Variants in TXNDC11 observed in about 807,000 individuals in gnomAD.
The protein encoded by TXNDC11 is thioredoxin domain containing 11.
Under a neutral mutation model 78.0 loss-of-function variants are expected in TXNDC11, and 68 were observed. The observed-to-expected ratio is 0.87, with a 90% confidence interval of 0.72 to 1.07. The LOEUF is 1.07. TXNDC11 is among the 50% of genes least tolerant of loss of function. TXNDC11 has a pLI of 0.00. For synonymous variants in TXNDC11, 571 were observed against 495.2 expected (o/e 1.15, Z -2.03); for missense variants, 1,389 against 1,221.8 (o/e 1.14, Z -2.04).
rs754717030 is a variant in TXNDC11 at position 11,687,976 on chromosome 16, A to G, written c.2044-10T>C. On this transcript the variant is annotated splice_polypyrimidine_tract_variant and intron_variant, in intron 9 of 11. Coordinates refer to ENST00000283033, the MANE Select transcript of TXNDC11 (RefSeq NM_015914.7). Reference sequence around the variant, plus strand: ...AGAGCAGGAGAACGTCCTGTGGGAAAGGGAAGACAGATGTTACTTGCACCG... The same window carrying G: ...AGAGCAGGAGAACGTCCTGTGGGAAGGGGAAGACAGATGTTACTTGCACCG... 2 of 1,591,574 alleles carry G rather than the reference A, an allele frequency of 1.3e-6. No homozygotes were observed. Among genetic ancestry groups the G allele is most frequent in the Non-Finnish European group, 1.7e-6 (2 of 1,160,256 alleles).
chr16:11,710,286 G>C (rs1055193791), intron 5 of TXNDC11, among the ~76,000 whole-genome samples: 21 of 151,684 alleles, frequency 1.4e-4, no homozygotes, highest in African/African-American at 5.1e-4. Context: ...CCCCATTTCA[G>C]GCTGTTCTTA....
intron 6 of TXNDC11, 109 bp downstream of exon 6, chr16:11,700,343 G>C: frequency 2.0e-6 from 1 of 510,988 alleles, no homozygotes; most frequent in Non-Finnish European, 3.5e-6. Flanking sequence ...AATCATATGC[G>C]CTTTTCTAGA....
chr16:11,742,716 T>G lies in TXNDC11; in HGVS notation c.15A>C (p.Gly5=). The G allele has an allele frequency of 3.4e-6, 5 of 1,483,024 alleles. No individual in the cohort carries two copies. The highest frequency in any genetic ancestry group is 4.4e-6 in the Non-Finnish European group (5 of 1,127,362). 91.9% of individuals were successfully genotyped at this position (1,483,024 alleles called of 1,614,324 possible). A position where few individuals can be genotyped will look rare whatever the true frequency, so the allele number is the denominator to read the frequency against. Residue 5 remains glycine (G), a synonymous_variant, in exon 1 of 12, where the codon GGA becomes GGC. Coordinates refer to ENST00000283033, the MANE Select transcript of TXNDC11 (RefSeq NM_015914.7). ...TGCTGCTGCTGCCGCCGCCGCGGCC[T>G]CCGCATTCCGACATTACATGCTCCC... The part of the protein sequence containing the change: MSEC[G]GRGGGSSSSE...
intron 9 of TXNDC11, 25 bp from the exon 10 acceptor site, chr16:11,687,991 T>C (rs770947018): frequency 5.3e-5 from 82 of 1,533,616 alleles, no homozygotes; most frequent in Admixed American, 6.8e-5. Flanking sequence ...AGACAGATGT[T>C]ACTTGCACCG....
chr16:11,681,312 TG>T (rs1359528838), intron 11 of TXNDC11, among the ~76,000 whole-genome samples: 1 of 152,210 alleles, frequency 6.6e-6, no homozygotes, highest in Non-Finnish European at 1.5e-5. Context: ...AGAGTAAACG[TG>T]AATTACTTCC....
chr16:11,692,377 A>G (rs891540137), intron 7 of TXNDC11: 4 of 321,430 alleles, frequency 1.2e-5, no homozygotes, highest in Admixed American at 9.0e-5. Flanking sequence ...TATCAGATCA[A>G]CTGTCTCAGT....
chr16:11,733,211 G>C (rs1276566264), intron 3 of TXNDC11, among the ~76,000 whole-genome samples: 2 of 152,048 alleles, frequency 1.3e-5, no homozygotes, highest in African/African-American at 2.4e-5. Context: ...AGCCGAGATT[G>C]CACCACTGCA....
In TXNDC11 at chr16:11,691,406, T is replaced by C. The variant is rs1207641848; in HGVS notation, c.1784A>G (p.Glu595Gly). The C allele has an allele frequency of 2.5e-6, 4 of 1,614,120 alleles. No individual in the cohort carries two copies. Among genetic ancestry groups the C allele is most frequent in the African/African-American group, 1.3e-5 (1 of 74,948 alleles). ...AGTGGAGCTCGGAGCACCCAGTCTC[T>C]CTGCATATAACCAAAACAAATTTGA... is the stretch of plus-strand genomic sequence containing the variant. The part of the protein sequence containing the change: ...LDSNLFWLYA[E>G]RLGAPSSTQV... Residue 595 changes from glutamate to glycine, a missense_variant, in exon 8 of 12, where the codon GAG (glutamate) becomes GGG (glycine). Coordinates refer to ENST00000283033, the MANE Select transcript of TXNDC11 (RefSeq NM_015914.7).
intron 5 of TXNDC11, among the ~76,000 whole-genome samples, chr16:11,701,037 T>C (rs1002474475): frequency 1.4e-4 from 22 of 152,006 alleles, no homozygotes; most frequent in African/African-American, 4.6e-4. Flanking sequence ...ATTCAGGTAC[T>C]CCCTTTACCA....
At chr16:11,742,284 T>A (rs2052421768) in intron 1 of TXNDC11, 193 bp downstream of exon 1, 2 of 468,788 alleles carry the variant, frequency 4.3e-6, no homozygotes, top group South Asian at 8.5e-5. Flanking sequence ...AGCCTCGCCA[T>A]AATGTCCGCG....
intron 5 of TXNDC11, among the ~76,000 whole-genome samples, chr16:11,710,971 G>C (rs895392359): frequency 6.7e-6 from 1 of 150,028 alleles, no homozygotes; most frequent in Non-Finnish European, 1.5e-5. Flanking sequence ...GTCTATTAGT[G>C]CAACAGCAGC....
At chr16:11,696,237 C>T (rs1426215017) in intron 7 of TXNDC11, among the ~76,000 whole-genome samples, 3 of 152,074 alleles carry the variant, frequency 2.0e-5, no homozygotes, top group South Asian at 4.1e-4. Flanking sequence ...TCCTCCTTCC[C>T]GTAAGTTTTT....
chr16:11,741,326 G>A (rs1181377736), intron 1 of TXNDC11, among the ~76,000 whole-genome samples: 1 of 152,162 alleles, frequency 6.6e-6, no homozygotes, highest in Non-Finnish European at 1.5e-5. Context: ...TGTGGATTTG[G>A]GAGACCAGAA....
chr16:11,683,256 G>A (rs1166809950), intron 11 of TXNDC11, among the ~76,000 whole-genome samples: 1 of 152,208 alleles, frequency 6.6e-6, no homozygotes, highest in East Asian at 1.9e-4. Context: ...GGCTTCCGGG[G>A]TAGTTGCCGT....
chr16:11,724,293 TCAAA>T (rs1398194198), intron 4 of TXNDC11, among the ~76,000 whole-genome samples: 1 of 151,736 alleles, frequency 6.6e-6, no homozygotes, highest in Non-Finnish European at 1.5e-5. Context: ...AAAAAAACAA[TCAAA>T]CAAACAAATA....
intron 4 of TXNDC11, among the ~76,000 whole-genome samples, chr16:11,728,685 C>G (rs935394298): frequency 6.6e-6 from 1 of 152,194 alleles, no homozygotes; most frequent in Non-Finnish European, 1.5e-5. Flanking sequence ...ATGGCTCACA[C>G]CTGTAATCCC....
chr16:11,718,385 G>A lies in TXNDC11; in HGVS notation c.793+3192C>T, dbSNP rs564275581. ...ACAGTCTAAACACTTCTTCAGTTCA[G>A]TTCTCTATAACTAAATGTTATATGT... On this transcript the variant is annotated intron_variant, in intron 5 of 11. Coordinates refer to ENST00000283033, the MANE Select transcript of TXNDC11 (RefSeq NM_015914.7). 2.0e-5 allele frequency among the ~76,000 whole-genome samples: 3 copies of A among 152,294 alleles called. No homozygotes were observed. In the South Asian group the frequency reaches 6.2e-4, roughly 32 times the overall value.
intron 2 of TXNDC11, among the ~76,000 whole-genome samples, chr16:11,734,380 A>G (rs1023569754): frequency 2.0e-5 from 3 of 152,174 alleles, no homozygotes; most frequent in Non-Finnish European, 4.4e-5. Flanking sequence ...TACTGAGTAC[A>G]TGGAATAGTA....
rs750538738 is a variant in TXNDC11, at chr16:11,730,687, G to A, written c.657C>T (p.Ile219=). The A allele has an allele frequency of 1.3e-5, 21 of 1,613,524 alleles. No individual in the cohort carries two copies. The East Asian group carries it at 4.5e-4, about 34-fold the overall frequency. Residue 219 remains isoleucine (I), a synonymous_variant, in exon 4 of 12, where the codon ATC becomes ATT. Transcript: ENST00000283033. ...VRRVMKPLLY[I]PSQSELLDFL... is the part of the protein sequence containing the mutation. The stretch of plus-strand genomic sequence containing the variant: ...AATCTAGTAATTCTGATTGAGATGG[G>A]ATGTAGAGAAGTGGTTTCATCACCC...
Sources: gnomAD v4.1 joint callset for allele counts (sites outside exome capture counted in the v4.1 genomes callset) on GRCh38, gnomAD v4.1.1 for gene constraint, MANE v1.5 for transcripts, NCBI Gene and HGNC (gene_info 2026-07-23, HGNC 2026-07-21) for gene names.